The following AFAP1 variants were observed in gnomAD, a reference collection of about 807,000 sequenced individuals.
The protein encoded by AFAP1 is actin filament-associated protein 1.
In AFAP1, 75 loss-of-function variants were observed where a neutral mutation model predicts 93.9. The observed-to-expected ratio is 0.80, with a 90% CI of 0.66 to 0.97. AFAP1 has a LOEUF of 0.97. Ranked by LOEUF, AFAP1 falls within the 50% of genes least tolerant of loss-of-function variation. The pLI is 0.00. For synonymous variants in AFAP1, 517 were observed against 430.7 expected (o/e 1.20, Z -2.48); for missense variants, 1,201 against 1,050.8 (o/e 1.14, Z -1.98).
intron 3 of AFAP1, among the ~76,000 whole-genome samples, chr4:7,863,626 A>T (rs1158730415): frequency 6.6e-6 from 1 of 151,970 alleles, no homozygotes; most frequent in Admixed American, 6.6e-5. Context: ...ACACACATCT[A>T]CTCTCCTGCA....
intron 1 of AFAP1, among the ~76,000 whole-genome samples, chr4:7,892,096 A>G (rs902124165): frequency 2.6e-5 from 4 of 152,194 alleles, no homozygotes; most frequent in African/African-American, 9.7e-5. Context: ...TGTTCACTTT[A>G]TGGGTGAAGT....
At chr4:7,809,791 C>A in intron 8 of AFAP1, 28 bp from the exon 9 acceptor site, 1 of 1,589,296 alleles carries the variant, frequency 6.3e-7, no homozygotes, top group South Asian at 1.2e-5. Context: ...AGCAAAAAAG[C>A]ATGTTTTAAT....
At chr4:7,887,244 C>G (rs1003774880) in intron 1 of AFAP1, among the ~76,000 whole-genome samples, 2 of 152,140 alleles carry the variant, frequency 1.3e-5, no homozygotes, top group Non-Finnish European at 2.9e-5. Context: ...TATTTATTGT[C>G]ACATATTTTG....
At chr4:7,834,186 G>A (rs1204195891) in intron 6 of AFAP1, among the ~76,000 whole-genome samples, 1 of 151,144 alleles carries the variant, frequency 6.6e-6, no homozygotes, top group Non-Finnish European at 1.5e-5. Context: ...GGCATTTGCA[G>A]CAACCTGGAT....
chr4:7,795,477 G>A (rs1478059948), intron 10 of AFAP1, among the ~76,000 whole-genome samples: 1 of 125,630 alleles, frequency 8.0e-6, no homozygotes, highest in Non-Finnish European at 1.6e-5. Context: ...TCAGACTGGA[G>A]TGCAGTGGTG....
chr4:7,868,121 G>C (rs558985664), intron 3 of AFAP1, among the ~76,000 whole-genome samples: 1 of 151,546 alleles, frequency 6.6e-6, no homozygotes, highest in Non-Finnish European at 1.5e-5. Context: ...GAATTTGAAT[G>C]CATAAAACTA....
chr4:7,788,365 G>C (rs997148726), intron 11 of AFAP1, among the ~76,000 whole-genome samples: 4 of 152,252 alleles, frequency 2.6e-5, no homozygotes, highest in Admixed American at 2.0e-4. Context: ...GGGAGGTACC[G>C]GGCTTGGGGC....
At position 7,761,351 on chromosome 4, in the gene AFAP1, A is replaced by C. The variant is rs933435301; in HGVS notation, c.*2414T>G. On this transcript the variant is annotated 3_prime_UTR_variant, in exon 18 of 18. Coordinates refer to ENST00000420658, the MANE Select transcript of AFAP1 (RefSeq NM_001134647.2). ...CGTTTGCCTCCGCTTTAAAAGGCTT[A>C]GGGTTGTGGATGTGAATTACAAACC... The C allele has an allele frequency of 7.2e-5, 11 of 152,246 alleles. No homozygotes were observed. The highest frequency in any genetic ancestry group is 2.4e-4 in the African/African-American group (10 of 41,454). 9.4% of individuals were successfully genotyped at this position (152,246 alleles called of 1,614,324 possible).
chr4:7,868,781 G>A (rs560809810), intron 2 of AFAP1, 62 bp from the exon 3 acceptor site: 49 of 1,419,630 alleles, frequency 3.5e-5, no homozygotes, highest in Non-Finnish European at 4.7e-5. Context: ...GGTACCACTA[G>A]CATCTATCAG....
intron 9 of AFAP1, among the ~76,000 whole-genome samples, chr4:7,808,000 AG>A (rs1719678165): frequency 6.6e-6 from 1 of 152,232 alleles, no homozygotes; most frequent in Non-Finnish European, 1.5e-5. Context: ...GCTGTGGGGC[AG>A]GAACTAAATG....
At chr4:7,847,424 CG>C (rs1713840777) in intron 4 of AFAP1, among the ~76,000 whole-genome samples, 1 of 151,850 alleles carries the variant, frequency 6.6e-6, no homozygotes, top group Non-Finnish European at 1.5e-5. Context: ...GAGAACTCTC[CG>C]GAAAGTATGC....
chr4:7,826,111 G>A (rs1383785931), intron 6 of AFAP1, among the ~76,000 whole-genome samples: 1 of 152,184 alleles, frequency 6.6e-6, no homozygotes, highest in Non-Finnish European at 1.5e-5. Context: ...GGTGAAGGGG[G>A]AACCCACCAT....
chr4:7,874,327 C>G (rs930542489), intron 1 of AFAP1, among the ~76,000 whole-genome samples: 9 of 150,462 alleles, frequency 6.0e-5, no homozygotes, highest in African/African-American at 2.2e-4. Context: ...TCCCAACTAC[C>G]TATCTGTGGG....
intron 3 of AFAP1, among the ~76,000 whole-genome samples, chr4:7,862,861 G>C (rs61292547): frequency 0.26 from 39,804 of 151,942 alleles, 5,573 homozygotes; most frequent in African/African-American, 0.36. Flanking sequence ...ATGAAGATCT[G>C]AGATACCCCT....
intron 4 of AFAP1, among the ~76,000 whole-genome samples, chr4:7,855,200 C>A (rs779056739): frequency 6.6e-6 from 1 of 152,236 alleles, no homozygotes; most frequent in African/African-American, 2.4e-5. Flanking sequence ...CTCTTCCGCA[C>A]TGCTGATACC....
At chr4:7,770,705 C>A (rs533887753) in intron 16 of AFAP1, among the ~76,000 whole-genome samples, 1 of 152,122 alleles carries the variant, frequency 6.6e-6, no homozygotes, top group Non-Finnish European at 1.5e-5. Context: ...AGGATGAGAT[C>A]GAGGCACTGA....
chr4:7,874,877 T>A (rs115926555), intron 1 of AFAP1, among the ~76,000 whole-genome samples: 2,596 of 152,218 alleles, frequency 0.017, 50 homozygotes, highest in African/African-American at 0.051. Context: ...GTTAACATAA[T>A]AGGTTTATTG....
chr4:7,819,682 T>C (rs6446624), intron 6 of AFAP1, among the ~76,000 whole-genome samples: 127,994 of 152,112 alleles, frequency 0.84, 54,154 homozygotes, highest in African/African-American at 0.92. Flanking sequence ...TAACCCGGAG[T>C]GCAAACTGGC....
intron 8 of AFAP1, among the ~76,000 whole-genome samples, chr4:7,810,153 G>A (rs1000285195): frequency 1.3e-5 from 2 of 152,198 alleles, no homozygotes; most frequent in Non-Finnish European, 2.9e-5. Flanking sequence ...GTGAGCCACC[G>A]TGCCCGGCCT....
Sources: allele counts gnomAD v4.1 joint callset (sites outside exome capture counted in the v4.1 genomes callset), GRCh38; gene constraint gnomAD v4.1.1; transcripts MANE v1.5; gene names NCBI Gene and HGNC (gene_info 2026-07-23, HGNC 2026-07-21).